The following SRPK2 variants were observed in gnomAD, a reference collection of about 807,000 sequenced individuals.
SRPK2 encodes SRSF protein kinase 2.
In SRPK2, 21 loss-of-function variants were observed where a neutral mutation model predicts 90.8. The observed-to-expected ratio is 0.23, with a 90% confidence interval of 0.16 to 0.33. SRPK2 has a LOEUF of 0.33. Ranked by LOEUF, SRPK2 falls within the 10% of genes least tolerant of loss-of-function variation. The pLI is 1.00. For synonymous variants in SRPK2, 288 were observed against 311.1 expected (o/e 0.93, Z 0.78); for missense variants, 620 against 869.0 (o/e 0.71, Z 3.60).
chr7:105,124,714 T>G (rs1800914440), intron 15 of SRPK2, among the ~76,000 whole-genome samples: 1 of 150,796 alleles, frequency 6.6e-6, no homozygotes, highest in South Asian at 2.1e-4. Context: ...TCTGGGACTT[T>G]CAGAAATTTC....
intron 2 of SRPK2, among the ~76,000 whole-genome samples, chr7:105,274,531 C>T (rs1016593595): frequency 2.6e-5 from 4 of 151,618 alleles, no homozygotes; most frequent in African/African-American, 9.7e-5. Flanking sequence ...CACTGCACTC[C>T]AAGCTGGGAG....
chr7:105,365,157 GAATGGGGCACTTCCATCT>G (rs1220603121), intron 2 of SRPK2, among the ~76,000 whole-genome samples: 7 of 151,986 alleles, frequency 4.6e-5, no homozygotes, highest in East Asian at 1.9e-4. Flanking sequence ...TTTTTTTCCA[GAATGGGGCACTTCCATCT>G]AATGGGGCAC....
At chr7:105,338,313 G>A (rs1005518613) in intron 2 of SRPK2, among the ~76,000 whole-genome samples, 2 of 152,260 alleles carry the variant, frequency 1.3e-5, no homozygotes, top group East Asian at 1.9e-4. Flanking sequence ...TCCGCTCACT[G>A]CAACCTCCAC....
At chr7:105,203,079 C>T (rs958417879) in intron 3 of SRPK2, among the ~76,000 whole-genome samples, 2 of 152,192 alleles carry the variant, frequency 1.3e-5, no homozygotes, top group Admixed American at 1.3e-4. Context: ...ACCTCTGCCT[C>T]CTGGGCTCAA....
chr7:105,163,136 G>A (rs951132210), intron 6 of SRPK2, among the ~76,000 whole-genome samples: 1 of 152,180 alleles, frequency 6.6e-6, no homozygotes, highest in Non-Finnish European at 1.5e-5. Flanking sequence ...TATGGAAAAT[G>A]TGTATTTTGA....
chr7:105,121,751 G>C lies in SRPK2; in HGVS notation c.1916-3729C>G, dbSNP rs1179530164. Among the ~76,000 whole-genome samples, 3 of 152,304 alleles carry C rather than the reference G, an allele frequency of 2.0e-5. No homozygotes were observed. The East Asian group carries it at 5.8e-4, about 29-fold the overall frequency. Reference sequence around the variant, plus strand: ...GACAGCAACTGTACTGGCCAGTCCTGGACTTGCAGAGTCCTTCTAAGGAAA... The same window carrying C: ...GACAGCAACTGTACTGGCCAGTCCTCGACTTGCAGAGTCCTTCTAAGGAAA... On this transcript the variant is annotated intron_variant, in intron 15 of 15. Transcript: ENST00000393651.
chr7:105,361,261 T>C (rs1053918526), intron 2 of SRPK2, among the ~76,000 whole-genome samples: 1 of 152,040 alleles, frequency 6.6e-6, no homozygotes, highest in African/African-American at 2.4e-5. Context: ...GGAATCCAAC[T>C]TACAAGGGAT....
intron 2 of SRPK2, among the ~76,000 whole-genome samples, chr7:105,335,392 G>A (rs1476868508): frequency 6.6e-6 from 1 of 152,160 alleles, no homozygotes; most frequent in African/African-American, 2.4e-5. Context: ...GGATGTCGTG[G>A]CTCACATCTG....
intron 2 of SRPK2, among the ~76,000 whole-genome samples, chr7:105,363,023 A>G (rs1328921267): frequency 1.3e-5 from 2 of 148,280 alleles, no homozygotes; most frequent in Non-Finnish European, 3.0e-5. Context: ...AACATCACAC[A>G]CCGGGGCCTG....
upstream of SRPK2, chr7:105,389,421 A>G (rs1376156183): frequency 7.7e-5 from 93 of 1,211,656 alleles, no homozygotes; most frequent in Non-Finnish European, 9.5e-5. Flanking sequence ...CACGACCAAA[A>G]GCTGGGAAAC....
downstream of SRPK2, among the ~76,000 whole-genome samples, chr7:105,114,841 A>G (rs1799538598): frequency 6.6e-6 from 1 of 152,174 alleles, no homozygotes; most frequent in African/African-American, 2.4e-5. Flanking sequence ...CACAGCTTCA[A>G]ATTTTAGAAG....
intron 2 of SRPK2, among the ~76,000 whole-genome samples, chr7:105,386,784 T>TATATGC (rs1821666381): frequency 6.6e-6 from 1 of 152,188 alleles, no homozygotes; most frequent in Non-Finnish European, 1.5e-5. Flanking sequence ...AATGCCTCAA[T>TATATGC]CAGTTATATA....
At chr7:105,318,942 C>T (rs1812604040) in intron 2 of SRPK2, among the ~76,000 whole-genome samples, 3 of 152,016 alleles carry the variant, frequency 2.0e-5, no homozygotes, top group Non-Finnish European at 4.4e-5. Flanking sequence ...GATGACAAGC[C>T]GACCTATAAA....
In SRPK2 at chr7:105,170,790, A is replaced by C. The variant is rs1402044150; in HGVS notation, c.230-1525T>G. 7.1e-3 allele frequency among the ~76,000 whole-genome samples: 502 copies of C among 70,388 alleles called. 51 individuals are homozygous for C. The highest frequency in any genetic ancestry group is 0.032 in the African/African-American group (471 of 14,530). 46.2% of individuals were successfully genotyped at this position (70,388 alleles called of 152,430 possible). A position where few individuals can be genotyped will look rare whatever the true frequency, so the allele number is the denominator to read the frequency against. On this transcript the variant is annotated intron_variant, in intron 3 of 15. Coordinates refer to ENST00000393651, the MANE Select transcript of SRPK2 (RefSeq NM_182692.3). ...AAGGAAGGAAGGAAGGACGGGAGGGAGGGAGGGAGGGAGGGAGAGAGAGAG... is the reference window on the plus strand; with the variant it reads ...AAGGAAGGAAGGAAGGACGGGAGGGCGGGAGGGAGGGAGGGAGAGAGAGAG...
rs1563080796 is a variant in SRPK2, at chr7:105,205,558, CACACACACACA to C, written c.72-1784_72-1774del. On this transcript the variant is annotated intron_variant, in intron 2 of 15. Coordinates refer to ENST00000393651, the MANE Select transcript of SRPK2 (RefSeq NM_182692.3). ...ACACACACACACACACACACACACACACACACACACACCACTTCCAGAATACATTCAAAACT... is the reference window on the plus strand; with the variant it reads ...ACACACACACACACACACACACACACCCACTTCCAGAATACATTCAAAACT... 5.4e-5 allele frequency among the ~76,000 whole-genome samples: 7 copies of C among 130,498 alleles called. No individual in the cohort carries two copies. The East Asian group carries it at 1.6e-3, about 30-fold the overall frequency. The allele number at this position is 130,498 out of a possible 152,430, so 85.6% of individuals were successfully genotyped here. A position where few individuals can be genotyped will look rare whatever the true frequency, so the allele number is the denominator to read the frequency against.
chr7:105,160,969 G>C (rs761920642), intron 6 of SRPK2, among the ~76,000 whole-genome samples: 10 of 151,138 alleles, frequency 6.6e-5, no homozygotes, highest in Admixed American at 2.6e-4. Context: ...TTGCTCTGTC[G>C]CCCAGGAGTG....
chr7:105,156,480 A>T (rs1806508430), intron 7 of SRPK2, among the ~76,000 whole-genome samples: 1 of 152,102 alleles, frequency 6.6e-6, no homozygotes, highest in Non-Finnish European at 1.5e-5. Flanking sequence ...ACAATAAACT[A>T]ATGAGGAAGG....
rs143149501 is a variant in SRPK2 at position 105,195,024 on chromosome 7, G to A, written c.229+8604C>T. Among the ~76,000 whole-genome samples the A allele has an allele frequency of 3.0e-3, 464 of 152,234 alleles. 4 individuals carry two copies. Among genetic ancestry groups the A allele is most frequent in the African/African-American group, 9.7e-3 (403 of 41,558 alleles). On this transcript the variant is annotated intron_variant, in intron 3 of 15. Transcript: ENST00000393651. The stretch of plus-strand genomic sequence containing the variant: ...CACATACTGCTGACATTTTGGCACT[G>A]CTCTTTTGCTAAATATATTTTTATT...
At chr7:105,353,149 A>G (rs1817396530) in intron 2 of SRPK2, among the ~76,000 whole-genome samples, 1 of 152,218 alleles carries the variant, frequency 6.6e-6, no homozygotes, top group African/African-American at 2.4e-5. Flanking sequence ...CCAAAGTTCC[A>G]TAAGGATGAC....
Sources: gnomAD v4.1 joint callset for allele counts (sites outside exome capture counted in the v4.1 genomes callset) on GRCh38, gnomAD v4.1.1 for gene constraint, MANE v1.5 for transcripts, NCBI Gene and HGNC (gene_info 2026-07-23, HGNC 2026-07-21) for gene names.